FILIP1L: variants seen among roughly 807,000 people sequenced by gnomAD.
FILIP1L encodes the protein filamin A-interacting protein 1-like.
In FILIP1L, 55 loss-of-function variants were observed where a neutral mutation model predicts 96.6. The observed-to-expected ratio is 0.57, with a 90% CI of 0.46 to 0.71. The LOEUF (loss-of-function observed/expected upper bound fraction) is 0.71. FILIP1L is among the 30% of genes least tolerant of loss of function. The probability of loss-of-function intolerance (pLI) is 0.00; values close to 1 mark genes in which losing one functional copy is unlikely to be tolerated. For missense variants in FILIP1L, 1,304 were observed against 1,321.2 expected (o/e 0.99, Z 0.20); for synonymous variants, 467 against 473.9 (o/e 0.99, Z 0.19).
At chr3:99,933,608 A>G (rs984428449) in intron 1 of FILIP1L, among the ~76,000 whole-genome samples, 1 of 152,196 alleles carries the variant, frequency 6.6e-6, no homozygotes, top group Non-Finnish European at 1.5e-5. Flanking sequence ...ACACCTAGGA[A>G]TATCCTTACT....
At chr3:100,013,848 A>G (rs75492141) in intron 1 of FILIP1L, among the ~76,000 whole-genome samples, 13,572 of 152,110 alleles carry the variant, frequency 0.089, 770 homozygotes, top group East Asian at 0.2. Flanking sequence ...TATTTTAGCA[A>G]TTTTCAAGTG....
At chr3:99,834,691 C>T (rs542415300) in intron 5 of FILIP1L, among the ~76,000 whole-genome samples, 1 of 152,102 alleles carries the variant, frequency 6.6e-6, no homozygotes, top group East Asian at 1.9e-4. Flanking sequence ...CTGTGTCTTT[C>T]TCATTTCTTC....
chr3:100,064,384 A>AC (rs1021526802), intron 1 of FILIP1L, among the ~76,000 whole-genome samples: 9 of 138,684 alleles, frequency 6.5e-5, no homozygotes, highest in East Asian at 2.1e-4. Flanking sequence ...GCTAATCCTG[A>AC]CCCCCCCAAC....
intron 5 of FILIP1L, among the ~76,000 whole-genome samples, chr3:99,841,327 G>T (rs371692670): frequency 6.6e-6 from 1 of 152,154 alleles, no homozygotes; most frequent in East Asian, 1.9e-4. Context: ...AGATAAACTG[G>T]AGCTTTCCAT....
intron 4 of FILIP1L, among the ~76,000 whole-genome samples, chr3:99,886,353 G>A (rs1223157827): frequency 3.3e-5 from 5 of 151,636 alleles, no homozygotes; most frequent in Admixed American, 3.3e-4. Context: ...GGGCCACACT[G>A]GAAGAAGAAA....
chr3:99,846,683 A>T (rs985476710), intron 5 of FILIP1L, among the ~76,000 whole-genome samples: 3 of 152,224 alleles, frequency 2.0e-5, no homozygotes, highest in African/African-American at 7.2e-5. Flanking sequence ...TCACCATGGA[A>T]GTGTTTCTGT....
At chr3:99,940,308 A>G (rs1707815253) in intron 1 of FILIP1L, among the ~76,000 whole-genome samples, 1 of 152,252 alleles carries the variant, frequency 6.6e-6, no homozygotes, top group African/African-American at 2.4e-5. Flanking sequence ...CCTAGATCAG[A>G]GCTCTTGAAA....
At position 99,963,610 on chromosome 3, in the gene FILIP1L, A is replaced by T. The variant is rs140480534; in HGVS notation, c.-10-32580T>A. On this transcript the variant is annotated intron_variant, in intron 1 of 5. Coordinates refer to ENST00000477258, the MANE Select transcript of FILIP1L (RefSeq NM_001387850.1). ...GATGGTGTTACCTGAATATGCATCC[A>T]TTTTTTTTTTCTTTTTTTTTAGACG... is the stretch of plus-strand genomic sequence containing the variant. Among the ~76,000 whole-genome samples the T allele has an allele frequency of 1.1e-3, 162 of 147,718 alleles. 3 individuals are homozygous for T. The East Asian group carries it at 0.023, about 21-fold the overall frequency.
intron 1 of FILIP1L, among the ~76,000 whole-genome samples, chr3:99,973,511 A>G (rs1708883313): frequency 2.0e-5 from 3 of 152,300 alleles, no homozygotes; most frequent in South Asian, 4.1e-4. Flanking sequence ...TTATTTTGAA[A>G]GTTTAAGCTT....
intron 1 of FILIP1L, among the ~76,000 whole-genome samples, chr3:99,966,303 G>A (rs1017979137): frequency 6.6e-6 from 1 of 152,146 alleles, no homozygotes; most frequent in Non-Finnish European, 1.5e-5. Context: ...CTGGGGCAAA[G>A]CAGCCTCCAC....
chr3:100,045,172 G>A (rs530544228), intron 1 of FILIP1L, among the ~76,000 whole-genome samples: 4 of 152,308 alleles, frequency 2.6e-5, no homozygotes, highest in Admixed American at 1.3e-4. Flanking sequence ...TTAAAGCTGC[G>A]AATATGACCT....
intron 1 of FILIP1L, among the ~76,000 whole-genome samples, chr3:99,963,970 G>A (rs1369495993): frequency 6.6e-6 from 1 of 152,074 alleles, no homozygotes; most frequent in Admixed American, 6.5e-5. Flanking sequence ...ATGATCAGTA[G>A]GCCAGGCAGG....
chr3:99,889,565 G>A (rs982357310), intron 4 of FILIP1L, among the ~76,000 whole-genome samples: 1 of 151,830 alleles, frequency 6.6e-6, no homozygotes, highest in Non-Finnish European at 1.5e-5. Flanking sequence ...GGATCATTTT[G>A]TCTATGTTTA....
chr3:100,039,980 C>G (rs2065176579), intron 1 of FILIP1L: 2 of 152,194 alleles, frequency 1.3e-5, no homozygotes, highest in African/African-American at 4.8e-5. Flanking sequence ...GTCTCGATCT[C>G]TTGACCTCAT....
intron 1 of FILIP1L, among the ~76,000 whole-genome samples, chr3:99,983,414 A>G (rs1240268580): frequency 2.1e-5 from 2 of 95,010 alleles, no homozygotes; most frequent in African/African-American, 8.2e-5. Flanking sequence ...ATATATATAT[A>G]TATATGTATG....
intron 1 of FILIP1L, among the ~76,000 whole-genome samples, chr3:99,954,067 A>T (rs1708252023): frequency 6.6e-6 from 1 of 152,282 alleles, no homozygotes; most frequent in African/African-American, 2.4e-5. Context: ...AGGTGGTGGC[A>T]TCTCAGTTTG....
At chr3:99,973,901 T>C (rs926992193) in intron 1 of FILIP1L, among the ~76,000 whole-genome samples, 2 of 152,178 alleles carry the variant, frequency 1.3e-5, no homozygotes, top group Non-Finnish European at 2.9e-5. Flanking sequence ...CAATATATAA[T>C]TGATAAATAA....
intron 1 of FILIP1L, among the ~76,000 whole-genome samples, chr3:100,057,075 G>A (rs1476058109): frequency 6.6e-6 from 1 of 152,170 alleles, no homozygotes; most frequent in African/African-American, 2.4e-5. Context: ...CTAATGATTG[G>A]CAGGCTCAGG....
At chr3:100,091,706 AAAT>A (rs1330408953) in intron 1 of FILIP1L, among the ~76,000 whole-genome samples, 1 of 152,258 alleles carries the variant, frequency 6.6e-6, no homozygotes, top group African/African-American at 2.4e-5. Flanking sequence ...ACAAGAATAA[AAAT>A]AATGGAAAAC....
Sources: gnomAD v4.1 joint callset for allele counts (sites outside exome capture counted in the v4.1 genomes callset) on GRCh38, gnomAD v4.1.1 for gene constraint, MANE v1.5 for transcripts, NCBI Gene and HGNC (gene_info 2026-07-23, HGNC 2026-07-21) for gene names.